The following SLC35D4 variants were observed in gnomAD, a reference collection of about 807,000 sequenced individuals.
SLC35D4 encodes solute carrier family 35 member D4.
the SLC35D4 span, among the ~76,000 whole-genome samples, chr18:23,251,774 A>G: frequency 2.0e-5 from 3 of 152,200 alleles, no homozygotes; most frequent in Non-Finnish European, 4.4e-5. Context: ...ACATGCTACA[A>G]TGAGATTGAC....
the SLC35D4 span, among the ~76,000 whole-genome samples, chr18:23,267,410 A>T: frequency 6.6e-6 from 1 of 151,596 alleles, no homozygotes; most frequent in Non-Finnish European, 1.5e-5. Flanking sequence ...TGCCCCTTCC[A>T]CCTGTCCCGT....
At chr18:23,286,714 G>A in the SLC35D4 span, among the ~76,000 whole-genome samples, 1 of 151,928 alleles carries the variant, frequency 6.6e-6, no homozygotes, top group South Asian at 2.1e-4. Flanking sequence ...TGACGGCCAG[G>A]CTTCTAAACC....
At chr18:23,437,921 C>CGCAGCAGCA in the SLC35D4 span, 3 of 1,526,436 alleles carry the variant, frequency 2.0e-6, no homozygotes, top group Non-Finnish European at 2.7e-6. Context: ...GCCCGACCCC[C>CGCAGCAGCA]GCAGCAGCAG....
the SLC35D4 span, chr18:23,352,282 A>C: frequency 6.2e-7 from 1 of 1,607,566 alleles, no homozygotes; most frequent in Non-Finnish European, 8.5e-7. Flanking sequence ...AAGAATCCCA[A>C]AAATCCACTG....
the SLC35D4 span, among the ~76,000 whole-genome samples, chr18:23,403,935 T>C: frequency 6.6e-6 from 1 of 152,090 alleles, no homozygotes; most frequent in Non-Finnish European, 1.5e-5. Context: ...CTGGCTAACA[T>C]GGTGAAACCC....
the SLC35D4 span, among the ~76,000 whole-genome samples, chr18:23,240,752 G>A: frequency 1.3e-5 from 2 of 152,220 alleles, no homozygotes; most frequent in African/African-American, 4.8e-5. Context: ...GGCCAGCCCA[G>A]CAGAGGCGCC....
the SLC35D4 span, among the ~76,000 whole-genome samples, chr18:23,306,470 C>T: frequency 2.0e-5 from 3 of 152,258 alleles, no homozygotes; most frequent in African/African-American, 4.8e-5. Flanking sequence ...TCACACCTGG[C>T]TAATTTTGTA....
chr18:23,414,124 A>C, the SLC35D4 span, among the ~76,000 whole-genome samples: 1 of 151,596 alleles, frequency 6.6e-6, no homozygotes, highest in Non-Finnish European at 1.5e-5. Flanking sequence ...GCATGGTGGC[A>C]GGAGCCTGTA....
the SLC35D4 span, chr18:23,258,166 C>T: frequency 2.0e-5 from 3 of 152,508 alleles, no homozygotes; most frequent in Admixed American, 6.5e-5. Flanking sequence ...TGGAGCGTGG[C>T]GCTCTGTAAC....
chr18:23,253,719 CT>C, the SLC35D4 span: 22 of 1,612,884 alleles, frequency 1.4e-5, no homozygotes, highest in East Asian at 4.7e-4. Context: ...TCTTGCCTGT[CT>C]TTCTCCAGTC....
chr18:23,369,198 G>A, the SLC35D4 span, among the ~76,000 whole-genome samples: 8 of 152,188 alleles, frequency 5.3e-5, no homozygotes, highest in East Asian at 1.5e-3. Context: ...AACTCTACTG[G>A]CTTCTTGCTA....
At chr18:23,318,623 TACA>T in the SLC35D4 span, among the ~76,000 whole-genome samples, 1 of 152,222 alleles carries the variant, frequency 6.6e-6, no homozygotes, top group Non-Finnish European at 1.5e-5. Flanking sequence ...TATTTTACTT[TACA>T]ACATGATTTA....
the SLC35D4 span, among the ~76,000 whole-genome samples, chr18:23,375,929 T>C: frequency 6.6e-6 from 1 of 152,198 alleles, no homozygotes; most frequent in African/African-American, 2.4e-5. Context: ...CTCTTGCCTC[T>C]AGCTTTCCCC....
chr18:23,419,728 A>G, the SLC35D4 span, among the ~76,000 whole-genome samples: 1 of 152,138 alleles, frequency 6.6e-6, no homozygotes, highest in South Asian at 2.1e-4. Context: ...TAACTGGCAA[A>G]ATACGGTCTT....
At chr18:23,389,750 G>T in the SLC35D4 span, among the ~76,000 whole-genome samples, 6 of 152,148 alleles carry the variant, frequency 3.9e-5, no homozygotes, top group Non-Finnish European at 7.3e-5. Context: ...TGTTGATCAG[G>T]CTGGTCTCCA....
chr18:23,273,027 A>G, the SLC35D4 span, among the ~76,000 whole-genome samples: 1 of 152,158 alleles, frequency 6.6e-6, no homozygotes, highest in Non-Finnish European at 1.5e-5. Flanking sequence ...GACACCGGTG[A>G]GCCGCAATCA....
the SLC35D4 span, among the ~76,000 whole-genome samples, chr18:23,410,506 C>T: frequency 1.4e-5 from 2 of 144,986 alleles, no homozygotes; most frequent in Non-Finnish European, 3.0e-5. Flanking sequence ...CATTAAAGTT[C>T]GTAACTGGGG....
At chr18:23,415,363 G>A in the SLC35D4 span, among the ~76,000 whole-genome samples, 1 of 152,172 alleles carries the variant, frequency 6.6e-6, no homozygotes, top group East Asian at 1.9e-4. Context: ...ATCTTTGAAA[G>A]CTTGAGAGTT....
chr18:23,318,384 G>A, the SLC35D4 span, among the ~76,000 whole-genome samples: 6 of 152,180 alleles, frequency 3.9e-5, no homozygotes, highest in Middle Eastern at 3.4e-3. Context: ...CACTTTCTTC[G>A]TGGTGTCCTT....
Sources: gnomAD v4.1 joint callset for allele counts (sites outside exome capture counted in the v4.1 genomes callset) on GRCh38, gnomAD v4.1.1 for gene constraint, MANE v1.5 for transcripts, NCBI Gene and HGNC (gene_info 2026-07-23, HGNC 2026-07-21) for gene names.